The following IL23R variants were observed in gnomAD, a reference collection of about 807,000 sequenced individuals.
The protein encoded by IL23R is interleukin 23 receptor.
A neutral mutation model predicts 56.9 loss-of-function variants in IL23R; 34 were observed. The observed-to-expected ratio is 0.60, with a 90% CI of 0.45 to 0.80. The LOEUF (loss-of-function observed/expected upper bound fraction) is 0.80. Among genes scored for constraint, IL23R ranks in the 30% least tolerant of loss-of-function variants. The pLI is 0.00. For missense variants in IL23R, 635 were observed against 730.0 expected (o/e 0.87, Z 1.50); for synonymous variants, 230 against 249.2 (o/e 0.92, Z 0.73).
chr1:67,149,476 A>AT (rs896220403), intron 1 of IL23R, among the ~76,000 whole-genome samples: 3 of 151,564 alleles, frequency 2.0e-5, no homozygotes, highest in African/African-American at 4.8e-5. Flanking sequence ...CTTATTCCCC[A>AT]TTTTTTTCTG....
chr1:67,221,387 CT>C (rs773356714), intron 7 of IL23R, among the ~76,000 whole-genome samples: 12 of 152,182 alleles, frequency 7.9e-5, no homozygotes, highest in Non-Finnish European at 1.5e-4. Context: ...TAAACGTTAT[CT>C]ACTATATGTA....
At chr1:67,139,452 G>A (rs771880422) in intron 1 of IL23R, among the ~76,000 whole-genome samples, 35 of 152,056 alleles carry the variant, frequency 2.3e-4, no homozygotes, top group Non-Finnish European at 4.6e-4. Flanking sequence ...CTCAAAAACT[G>A]CTACCTGAAC....
chr1:67,169,728 A>G (rs1646918548), intron 3 of IL23R, 90 bp downstream of exon 3: 1 of 1,195,562 alleles, frequency 8.4e-7, no homozygotes, highest in East Asian at 2.3e-5. Context: ...TAGGGACAAA[A>G]TAATATAGTT....
At chr1:67,265,615 C>T in the IL23R span, among the ~76,000 whole-genome samples, 3 of 152,146 alleles carry the variant, frequency 2.0e-5, no homozygotes, top group South Asian at 2.1e-4. Context: ...TTCACTAGTA[C>T]ACCTATTCCT....
chr1:67,201,130 C>CT (rs398074018), intron 5 of IL23R, among the ~76,000 whole-genome samples: 10 of 170 alleles, frequency 0.059, no homozygotes, highest in African/African-American at 0.2. Context: ...TGTGGCTGGG[C>CT]CGGTGGCTCA....
rs754644219 is a variant in IL23R, at chr1:67,255,973, A to G, written c.1239+46A>G. 8.0e-6 allele frequency: 8 copies of G among 1,002,400 alleles called. No homozygotes were observed. In the South Asian group the frequency reaches 1.0e-4, roughly 13 times the overall value. 62.1% of individuals were successfully genotyped at this position (1,002,400 alleles called of 1,614,324 possible). ...AAAAACTGAGTGGCAATTGAGACCA[A>G]GAGTGCAGTCTAATAATTAGAATAG... On this transcript the variant is annotated intron_variant, in intron 10 of 10. Transcript: ENST00000347310.
chr1:67,153,890 C>T (rs190044805), intron 1 of IL23R, among the ~76,000 whole-genome samples: 3 of 152,146 alleles, frequency 2.0e-5, no homozygotes, highest in East Asian at 1.9e-4. Context: ...CTCAGTCTCC[C>T]GAGTAGCTGG....
At chr1:67,154,402 G>T (rs1429528254) in intron 1 of IL23R, among the ~76,000 whole-genome samples, 1 of 152,120 alleles carries the variant, frequency 6.6e-6, no homozygotes, top group African/African-American at 2.4e-5. Flanking sequence ...AAGTCTCTCT[G>T]TAAGTCTCTA....
At chr1:67,202,041 GC>G (rs1316229443) in intron 5 of IL23R, among the ~76,000 whole-genome samples, 1 of 152,090 alleles carries the variant, frequency 6.6e-6, no homozygotes, top group Non-Finnish European at 1.5e-5. Context: ...TTACCCTTGA[GC>G]CTTTTACAAC....
intron 1 of IL23R, among the ~76,000 whole-genome samples, chr1:67,139,908 G>A (rs1463535969): frequency 6.6e-6 from 1 of 152,214 alleles, no homozygotes. Context: ...AATGAATTAT[G>A]GGTTAACAGA....
rs1570904713 is a variant in IL23R, at chr1:67,236,712, G to A, written c.956-1G>A. ...CTGACACTCTTTCCTTTTGGTTTAAGTTCCCCAGGTCACATCAAAAGCATT... is the reference window on the plus strand; with the variant it reads ...CTGACACTCTTTCCTTTTGGTTTAAATTCCCCAGGTCACATCAAAAGCATT... On this transcript the variant is annotated splice_acceptor_variant, in intron 7 of 10. Coordinates refer to ENST00000347310, the MANE Select transcript of IL23R (RefSeq NM_144701.3). LOFTEE classifies it high-confidence loss of function. 5.6e-6 allele frequency: 9 copies of A among 1,609,864 alleles called. No individual in the cohort carries two copies. The highest frequency in any genetic ancestry group is 7.7e-6 in the Non-Finnish European group (9 of 1,176,198).
intron 1 of IL23R, among the ~76,000 whole-genome samples, chr1:67,153,320 T>G (rs1646744322): frequency 6.6e-6 from 1 of 152,186 alleles, no homozygotes; most frequent in South Asian, 2.1e-4. Context: ...TTATTGTGTC[T>G]ATTTGACTCT....
At chr1:67,202,817 C>G (rs910957889) in intron 5 of IL23R, among the ~76,000 whole-genome samples, 1 of 152,166 alleles carries the variant, frequency 6.6e-6, no homozygotes, top group Non-Finnish European at 1.5e-5. Context: ...TCAAGCGATC[C>G]TCCTGCCTTG....
intron 6 of IL23R, among the ~76,000 whole-genome samples, chr1:67,216,615 A>G (rs1649851692): frequency 6.6e-6 from 1 of 152,214 alleles, no homozygotes; most frequent in Admixed American, 6.5e-5. Context: ...TCCAATTAAA[A>G]TTTCATTTTT....
intron 4 of IL23R, among the ~76,000 whole-genome samples, chr1:67,191,158 CT>C (rs1647712605): frequency 6.6e-6 from 1 of 152,166 alleles, no homozygotes; most frequent in Admixed American, 6.5e-5. Context: ...CTACATTTCA[CT>C]AGCCAAGTCA....
At chr1:67,197,782 A>G (rs1272720578) in intron 4 of IL23R, among the ~76,000 whole-genome samples, 1 of 152,066 alleles carries the variant, frequency 6.6e-6, no homozygotes, top group African/African-American at 2.4e-5. Context: ...TGTCTCTACA[A>G]AAAATTAGCT....
At chr1:67,265,083 G>A in the IL23R span, among the ~76,000 whole-genome samples, 23 of 152,238 alleles carry the variant, frequency 1.5e-4, no homozygotes, top group Non-Finnish European at 3.2e-4. Flanking sequence ...AGCACAGGAA[G>A]GAAATCATAA....
chr1:67,150,021 A>AT (rs1646714072), intron 1 of IL23R, among the ~76,000 whole-genome samples: 1 of 152,134 alleles, frequency 6.6e-6, no homozygotes, highest in Non-Finnish European at 1.5e-5. Flanking sequence ...ATTTTTCCTG[A>AT]TATCTTTACA....
chr1:67,168,618 A>C (rs1254135383), intron 2 of IL23R, among the ~76,000 whole-genome samples: 5 of 152,232 alleles, frequency 3.3e-5, no homozygotes, highest in African/African-American at 1.2e-4. Context: ...CATTATATTC[A>C]AACTTTACTG....
Sources: allele counts gnomAD v4.1 joint callset (sites outside exome capture counted in the v4.1 genomes callset), GRCh38; gene constraint gnomAD v4.1.1; transcripts MANE v1.5; gene names NCBI Gene and HGNC (gene_info 2026-07-23, HGNC 2026-07-21).